SIPA1L1: variants seen among roughly 807,000 people sequenced by gnomAD.
SIPA1L1 encodes the protein signal induced proliferation associated 1 like 1.
Under a neutral mutation model 162.7 loss-of-function variants are expected in SIPA1L1, and 26 were observed. The observed-to-expected ratio is 0.16, with a 90% confidence interval of 0.12 to 0.22. The LOEUF (loss-of-function observed/expected upper bound fraction) is 0.22. Ranked by LOEUF, SIPA1L1 falls within the 10% of genes least tolerant of loss-of-function variation. The pLI is 1.00. For synonymous variants in SIPA1L1, 829 were observed against 837.4 expected, an observed-to-expected ratio of 0.99 and a Z score of 0.17; for missense variants, 1,874 against 2,241.0, an observed-to-expected ratio of 0.84 and a Z score of 3.31.
At chr14:71,735,099 T>C (rs2085165778) in intron 21 of SIPA1L1, among the ~76,000 whole-genome samples, 178 bp from the exon 22 acceptor site, 1 of 152,112 alleles carries the variant, frequency 6.6e-6, no homozygotes, top group African/African-American at 2.4e-5. Context: ...ATGGCTACAA[T>C]CCTCTTATAG....
At chr14:71,710,099 G>A (rs2082751465) in intron 17 of SIPA1L1, among the ~76,000 whole-genome samples, 2 of 152,168 alleles carry the variant, frequency 1.3e-5, no homozygotes, top group African/African-American at 4.8e-5. Flanking sequence ...TGCCAAGCAC[G>A]TCCTTTACGT....
intron 4 of SIPA1L1, among the ~76,000 whole-genome samples, chr14:71,555,845 CGACATTTGTTGATTGTTT>C (rs975411538): frequency 9.2e-5 from 14 of 152,104 alleles, no homozygotes; most frequent in Non-Finnish European, 1.8e-4. Flanking sequence ...AGAACTCAAA[CGACATTTGTTGATTGTTT>C]GACATTTGTT....
At chr14:71,448,079 G>A (rs2045549837) in intron 2 of SIPA1L1, among the ~76,000 whole-genome samples, 1 of 152,202 alleles carries the variant, frequency 6.6e-6, no homozygotes, top group Non-Finnish European at 1.5e-5. Flanking sequence ...GGGTGATGGA[G>A]CAAGTGGATG....
intron 2 of SIPA1L1, among the ~76,000 whole-genome samples, chr14:71,412,613 C>G (rs2042486718): frequency 6.6e-6 from 1 of 152,054 alleles, no homozygotes; most frequent in Non-Finnish European, 1.5e-5. Flanking sequence ...GGTGGGAGGC[C>G]TAATGTCCGG....
chr14:71,663,874 T>C (rs542627906), intron 10 of SIPA1L1, among the ~76,000 whole-genome samples: 2 of 152,220 alleles, frequency 1.3e-5, no homozygotes, highest in African/African-American at 4.8e-5. Flanking sequence ...AAGCTGTGAA[T>C]TTTGGCCTGT....
chr14:71,536,328 GTGTCT>G lies in SIPA1L1; in HGVS notation c.-303+6959_-303+6963del, dbSNP rs1246765006. ...TTAACTTCCAATGGGCTTCTTTTAA[GTGTCT>G]ATGCTTAACAGAAGCTTTCTCTATG... is the stretch of plus-strand genomic sequence containing the variant. On this transcript the variant is annotated intron_variant, in intron 4 of 23. Coordinates refer to ENST00000381232, the MANE Select transcript of SIPA1L1 (RefSeq NM_001386936.1). Among the ~76,000 whole-genome samples, 11 of 152,276 alleles carry G rather than the reference GTGTCT, an allele frequency of 7.2e-5. No individual in the cohort carries two copies. In the Middle Eastern group the frequency reaches 0.014, roughly 188 times the overall value.
chr14:71,700,700 A>G (rs1184189973), intron 14 of SIPA1L1, among the ~76,000 whole-genome samples: 1 of 152,210 alleles, frequency 6.6e-6, no homozygotes, highest in East Asian at 1.9e-4. Context: ...GGATGATATA[A>G]TAAGAGTTTT....
rs147470932 is a variant in SIPA1L1, at chr14:71,709,247, C to G, written c.3791C>G (p.Ser1264Cys). 1 of 1,613,828 alleles carries G rather than the reference C, an allele frequency of 6.2e-7. No individual in the cohort carries two copies. The highest frequency in any genetic ancestry group is 8.5e-7 in the Non-Finnish European group (1 of 1,179,950). The change falls in exon 17 of 24, where the codon TCC (serine) becomes TGC (cysteine). Residue 1264 changes from serine to cysteine, a missense_variant. This residue lies in a region of SIPA1L1 where 936 missense variants were observed against 1,051.9 expected (regional missense o/e 0.89). Transcript: ENST00000381232. ...GHSDSHYSSHSSSNTLSSNAS... is the reference protein window; with the variant it reads ...GHSDSHYSSHCSSNTLSSNAS... The stretch of plus-strand genomic sequence containing the variant: ...TCTGATAGCCACTACTCGAGCCACT[C>G]CAGTAGCAATACTCTCTCCAGCAAT...
At chr14:71,545,311 A>T (rs1343642209) in intron 4 of SIPA1L1, among the ~76,000 whole-genome samples, 1 of 152,236 alleles carries the variant, frequency 6.6e-6, no homozygotes, top group Non-Finnish European at 1.5e-5. Flanking sequence ...TGGAGAATAG[A>T]CATTTTAATA....
chr14:71,484,762 G>A (rs2048619016), intron 2 of SIPA1L1, among the ~76,000 whole-genome samples: 1 of 152,146 alleles, frequency 6.6e-6, no homozygotes, highest in Non-Finnish European at 1.5e-5. Context: ...TAGGCTTATT[G>A]TTAGTTTGGC....
chr14:71,479,434 C>T (rs1178629362), intron 2 of SIPA1L1, among the ~76,000 whole-genome samples: 1 of 152,072 alleles, frequency 6.6e-6, no homozygotes, highest in Non-Finnish European at 1.5e-5. Flanking sequence ...CTTGCTCTGT[C>T]ACCCAGGCTG....
chr14:71,399,482 A>G (rs2041491293), intron 2 of SIPA1L1, among the ~76,000 whole-genome samples: 1 of 151,616 alleles, frequency 6.6e-6, no homozygotes, highest in African/African-American at 2.4e-5. Flanking sequence ...GTAGCTCACT[A>G]TAACCCCAAA....
intron 13 of SIPA1L1, among the ~76,000 whole-genome samples, chr14:71,696,532 C>CTTGTT (rs2081641723): frequency 6.6e-6 from 1 of 152,162 alleles, no homozygotes. Context: ...TTATTAGTGA[C>CTTGTT]CAACTGTTGT....
intron 2 of SIPA1L1, among the ~76,000 whole-genome samples, chr14:71,365,379 A>G (rs148763817): frequency 2.6e-5 from 4 of 152,164 alleles, no homozygotes; most frequent in African/African-American, 4.8e-5. Context: ...GATAATGCCA[A>G]AATCTAGCTC....
At chr14:71,457,761 AT>A (rs2046297142) in intron 2 of SIPA1L1, among the ~76,000 whole-genome samples, 1 of 150,794 alleles carries the variant, frequency 6.6e-6, no homozygotes, top group Non-Finnish European at 1.5e-5. Context: ...CACCCAACTA[AT>A]TTTTTGTATT....
intron 2 of SIPA1L1, among the ~76,000 whole-genome samples, chr14:71,430,970 T>A (rs1334996266): frequency 2.0e-5 from 3 of 152,288 alleles, no homozygotes; most frequent in Non-Finnish European, 4.4e-5. Context: ...ATAAAGGTCC[T>A]ATATAGATAT....
At chr14:71,684,030 G>C (rs2046043406) in intron 12 of SIPA1L1, among the ~76,000 whole-genome samples, 1 of 152,222 alleles carries the variant, frequency 6.6e-6, no homozygotes. Flanking sequence ...AAAAGGGATA[G>C]AGTGGAGCCT....
At chr14:71,526,948 G>A (rs1463563988) in intron 3 of SIPA1L1, among the ~76,000 whole-genome samples, 7 of 152,078 alleles carry the variant, frequency 4.6e-5, no homozygotes, top group African/African-American at 1.4e-4. Context: ...ACAGCTTTAC[G>A]GTTTGTATTC....
chr14:71,465,451 C>A lies in SIPA1L1; in HGVS notation c.-464-47292C>A, dbSNP rs149283809. 5.0e-3 allele frequency among the ~76,000 whole-genome samples: 759 copies of A among 152,302 alleles called. 3 individuals carry two copies. Among genetic ancestry groups the A allele is most frequent in the South Asian group, 0.02 (94 of 4,818 alleles). Reference sequence around the variant, plus strand: ...GCAACCAACCAGCTTCATTATGTTCCTTGGTTCTCCACATATGGTATTATG... The same window carrying A: ...GCAACCAACCAGCTTCATTATGTTCATTGGTTCTCCACATATGGTATTATG... On this transcript the variant is annotated intron_variant, in intron 2 of 23. Coordinates refer to ENST00000381232, the MANE Select transcript of SIPA1L1 (RefSeq NM_001386936.1).
Sources: gnomAD v4.1 joint callset for allele counts (sites outside exome capture counted in the v4.1 genomes callset) on GRCh38, gnomAD v4.1.1 for gene constraint, gnomAD v4.1.1 regional missense constraint, MANE v1.5 for transcripts, NCBI Gene and HGNC (gene_info 2026-07-23, HGNC 2026-07-21) for gene names.